ARHGAP44: variants seen among roughly 807,000 people sequenced by gnomAD.
ARHGAP44 encodes the protein rho GTPase-activating protein 44.
In ARHGAP44, 43 loss-of-function variants were observed where a neutral mutation model predicts 106.8. The observed-to-expected ratio is 0.40, with a 90% CI of 0.32 to 0.52. The LOEUF is 0.52. ARHGAP44 is among the 20% of genes least tolerant of loss of function. ARHGAP44 has a pLI of 0.48. For synonymous variants in ARHGAP44, 439 were observed against 410.3 expected (o/e 1.07, Z -0.85); for missense variants, 866 against 1,050.5 (o/e 0.82, Z 2.43).
intron 1 of ARHGAP44, among the ~76,000 whole-genome samples, chr17:12,854,484 A>G (rs2035848620): frequency 6.6e-6 from 1 of 152,228 alleles, no homozygotes; most frequent in Admixed American, 6.5e-5. Context: ...AACCACTGGA[A>G]ACAAATGTCC....
At chr17:12,850,357 C>T (rs573398188) in intron 1 of ARHGAP44, among the ~76,000 whole-genome samples, 1 of 151,086 alleles carries the variant, frequency 6.6e-6, no homozygotes, top group Non-Finnish European at 1.5e-5. Flanking sequence ...TTACAATCAA[C>T]AAGAGGACAA....
chr17:12,920,771 T>G (rs1254798191), intron 6 of ARHGAP44, among the ~76,000 whole-genome samples: 1 of 152,128 alleles, frequency 6.6e-6, no homozygotes, highest in Non-Finnish European at 1.5e-5. Context: ...GCCTTTCTCT[T>G]AACTTGAGTC....
chr17:12,825,840 T>C (rs61128573), intron 1 of ARHGAP44, among the ~76,000 whole-genome samples: 7,282 of 152,266 alleles, frequency 0.048, 213 homozygotes, highest in African/African-American at 0.087. Flanking sequence ...CCTCAGTGTC[T>C]GCCACAATGT....
At chr17:12,868,015 G>C (rs6502207) in intron 1 of ARHGAP44, among the ~76,000 whole-genome samples, 104,051 of 152,074 alleles carry the variant, frequency 0.68, 35,923 homozygotes, top group South Asian at 0.73. Flanking sequence ...AAGAGACGGT[G>C]GATGAGGGAG....
intron 1 of ARHGAP44, among the ~76,000 whole-genome samples, chr17:12,882,159 A>T (rs144021071): frequency 6.6e-6 from 1 of 152,136 alleles, no homozygotes; most frequent in African/African-American, 2.4e-5. Flanking sequence ...ACCTGACTTC[A>T]TTCATGTCTT....
intron 1 of ARHGAP44, among the ~76,000 whole-genome samples, chr17:12,872,773 T>G (rs2036440327): frequency 6.6e-6 from 1 of 152,202 alleles, no homozygotes; most frequent in Non-Finnish European, 1.5e-5. Flanking sequence ...GTATCTCTTT[T>G]TTTTCTCCCT....
intron 1 of ARHGAP44, among the ~76,000 whole-genome samples, chr17:12,796,014 G>A (rs2033906925): frequency 6.6e-6 from 1 of 151,632 alleles, no homozygotes; most frequent in Non-Finnish European, 1.5e-5. Context: ...AGTAATATTT[G>A]TTTATGGTAG....
intron 18 of ARHGAP44, among the ~76,000 whole-genome samples, chr17:12,979,601 A>G (rs1012521385): frequency 6.6e-6 from 1 of 152,194 alleles, no homozygotes; most frequent in Admixed American, 6.5e-5. Flanking sequence ...CTGGGCCACA[A>G]GCTTGGCAGC....
At chr17:12,954,104 G>C (rs560505598) in intron 13 of ARHGAP44, among the ~76,000 whole-genome samples, 1 of 150,340 alleles carries the variant, frequency 6.7e-6, no homozygotes, top group Non-Finnish European at 1.5e-5. Flanking sequence ...CACCATGTTA[G>C]CCAGGCTGGT....
chr17:12,899,011 A>T (rs1459663105), intron 3 of ARHGAP44, among the ~76,000 whole-genome samples: 1 of 151,998 alleles, frequency 6.6e-6, no homozygotes, highest in Non-Finnish European at 1.5e-5. Context: ...TCACTCTGTC[A>T]CCAGGCTGGA....
chr17:12,934,194 A>C (rs1204447660), intron 7 of ARHGAP44, among the ~76,000 whole-genome samples: 1 of 151,970 alleles, frequency 6.6e-6, no homozygotes. Flanking sequence ...TGTTTTTCTC[A>C]TTTAGCCTTG....
In ARHGAP44 at chr17:12,990,110, G is replaced by A. The variant is rs375812578; in HGVS notation, c.2396G>A (p.Arg799Gln). 1.9e-5 allele frequency: 31 copies of A among 1,613,336 alleles called. No individual in the cohort carries two copies. The highest frequency in any genetic ancestry group is 1.6e-4 in the Middle Eastern group (1 of 6,082). ...TLRLSPLEHM[R>Q]RHSVTDKRDS... ...CGCCTGAGTCCCCTGGAGCACATGC[G>A]GCGACACTCAGTAACTGACAAGAGG... Residue 799 changes from arginine to glutamine, a missense_variant, in exon 21 of 21, where the codon CGG becomes CAG. Coordinates refer to ENST00000379672, the MANE Select transcript of ARHGAP44 (RefSeq NM_014859.6).
chr17:12,952,225 A>G (rs901482696), intron 12 of ARHGAP44, among the ~76,000 whole-genome samples: 30 of 152,170 alleles, frequency 2.0e-4, no homozygotes, highest in African/African-American at 6.8e-4. Context: ...CTGCAGCCCC[A>G]TAGCCCTGCC....
rs1160428612 is a variant in ARHGAP44 at position 12,980,128 on chromosome 17, G to A, written c.1834G>A (p.Ala612Thr). 3.1e-6 allele frequency: 5 copies of A among 1,613,886 alleles called. No individual in the cohort carries two copies. The East Asian group carries it at 6.7e-5, about 22-fold the overall frequency. Residue 612 changes from alanine (A) to threonine (T), a missense_variant, in exon 19 of 21, where the codon GCC becomes ACC. Coordinates refer to ENST00000379672, the MANE Select transcript of ARHGAP44 (RefSeq NM_014859.6). Reference sequence around the variant, plus strand: ...AAGTCCAGGCTCCAGCCAGGGCACAGCCTGTGCAGGGACTCAACCAGGGGC... The same window carrying A: ...AAGTCCAGGCTCCAGCCAGGGCACAACCTGTGCAGGGACTCAACCAGGGGC... Reference protein sequence around the residue: ...KGSPGSSQGTACAGTQPGAQP... With the variant: ...KGSPGSSQGTTCAGTQPGAQP...
chr17:12,958,482 CT>C lies in ARHGAP44; in HGVS notation c.1343-222del, dbSNP rs113692195. ...AAGTATCCGTTCCTGTTTTTACAAACTTTTTTTTTTTTTCACAAATTGACAT... is the reference window on the plus strand; with the variant it reads ...AAGTATCCGTTCCTGTTTTTACAAACTTTTTTTTTTTTCACAAATTGACAT... On this transcript the variant is annotated intron_variant, in intron 15 of 20. Coordinates refer to ENST00000379672, the MANE Select transcript of ARHGAP44 (RefSeq NM_014859.6). The surrounding 1 kb of genome is among the most constrained non-coding windows in gnomAD (Gnocchi z 4.1). Among the ~76,000 whole-genome samples, 16,011 of 146,008 alleles carry C rather than the reference CT, an allele frequency of 0.11. 1,023 individuals are homozygous for C. The highest frequency in any genetic ancestry group is 0.26 in the South Asian group (1,214 of 4,664).
chr17:12,981,805 G>A (rs888847006), intron 19 of ARHGAP44, among the ~76,000 whole-genome samples: 2 of 148,192 alleles, frequency 1.3e-5, no homozygotes, highest in African/African-American at 4.9e-5. Context: ...GAGCTCAGGA[G>A]TTTGAGACCA....
chr17:12,894,917 A>T, intron 1 of ARHGAP44, 23 bp from the exon 2 acceptor site: 2 of 1,572,008 alleles, frequency 1.3e-6, no homozygotes, highest in Non-Finnish European at 1.7e-6. Flanking sequence ...TGTTACTGAT[A>T]TGTTTCTCAA....
In ARHGAP44 at chr17:12,990,356, T is replaced by A; in HGVS notation, c.*185T>A. ...CGTGTGGTGATGCTGGTGGTGCAGG[T>A]TTTGTTTGTTCCTTTCGGGTGGTGA... is the stretch of plus-strand genomic sequence containing the variant. On this transcript the variant is annotated 3_prime_UTR_variant, in exon 21 of 21. Coordinates refer to ENST00000379672, the MANE Select transcript of ARHGAP44 (RefSeq NM_014859.6). The A allele has an allele frequency of 1.3e-6, 1 of 751,092 alleles. No individual in the cohort carries two copies. Among genetic ancestry groups the A allele is most frequent in the Non-Finnish European group, 2.1e-6 (1 of 484,828 alleles). The allele number at this position is 751,092 out of a possible 1,614,324, so 46.5% of individuals were successfully genotyped here. A position where few individuals can be genotyped will look rare whatever the true frequency, so the allele number is the denominator to read the frequency against.
chr17:12,905,855 G>A (rs73296309), intron 3 of ARHGAP44, among the ~76,000 whole-genome samples: 2,796 of 152,252 alleles, frequency 0.018, 84 homozygotes, highest in African/African-American at 0.064. Context: ...TACTATGATC[G>A]TACCATCTGA....
Sources: allele counts gnomAD v4.1 joint callset (sites outside exome capture counted in the v4.1 genomes callset), GRCh38; gene constraint gnomAD v4.1.1; non-coding constraint Gnocchi (gnomAD v3.1); transcripts MANE v1.5; gene names NCBI Gene and HGNC (gene_info 2026-07-23, HGNC 2026-07-21).